Variants in CCDC170 observed in about 807,000 individuals in gnomAD.
CCDC170 encodes the protein coiled-coil domain containing 170.
A neutral mutation model predicts 72.6 loss-of-function variants in CCDC170; 69 were observed. The observed-to-expected ratio is 0.95, with a 90% CI of 0.78 to 1.16. The LOEUF (loss-of-function observed/expected upper bound fraction) is 1.16. Among genes scored for constraint, CCDC170 ranks in the 50% most tolerant of loss-of-function variants. CCDC170 has a pLI of 0.00. For missense variants in CCDC170, 852 were observed against 832.5 expected (o/e 1.02, Z -0.29); for synonymous variants, 300 against 303.9 (o/e 0.99, Z 0.13).
chr6:151,524,551 A>G, intron 1 of CCDC170, among the ~76,000 whole-genome samples: 1 of 152,364 alleles, frequency 6.6e-6, no homozygotes, highest in East Asian at 1.9e-4. Context: ...ACATGCTTCC[A>G]GTTGTCTTTT....
intron 1 of CCDC170, among the ~76,000 whole-genome samples, chr6:151,517,060 G>A (rs1782245688): frequency 6.6e-6 from 1 of 152,164 alleles, no homozygotes; most frequent in Non-Finnish European, 1.5e-5. Context: ...TTGGGGCCGG[G>A]CACAGTGGCT....
chr6:151,508,654 A>T (rs2059648873), intron 1 of CCDC170, among the ~76,000 whole-genome samples: 1 of 152,122 alleles, frequency 6.6e-6, no homozygotes, highest in Non-Finnish European at 1.5e-5. Context: ...TGGAGGTTGC[A>T]GTGAGCTGAG....
rs534934507 is a variant in CCDC170 at position 151,550,112 on chromosome 6, A to AT, written c.774+1629dup. 1.6e-3 allele frequency among the ~76,000 whole-genome samples: 243 copies of AT among 152,340 alleles called. 1 individual carries two copies. Among genetic ancestry groups the AT allele is most frequent in the African/African-American group, 5.6e-3 (231 of 41,582 alleles). ...ATTTGAGCTATTTAATACCATATGTATTTTTTAACATTGTATAATCCCTTA... is the reference window on the plus strand; with the variant it reads ...ATTTGAGCTATTTAATACCATATGTATTTTTTTAACATTGTATAATCCCTTA... On this transcript the variant is annotated intron_variant, in intron 5 of 10. Coordinates refer to ENST00000239374, the MANE Select transcript of CCDC170 (RefSeq NM_025059.4).
chr6:151,602,218 G>A lies in CCDC170; in HGVS notation c.1710+5641G>A, dbSNP rs149884155. 1.1e-4 allele frequency among the ~76,000 whole-genome samples: 16 copies of A among 152,186 alleles called. No individual in the cohort carries two copies. In the East Asian group the frequency reaches 2.9e-3, roughly 28 times the overall value. ...ATACTATTACATTTTAATTTGGCAG[G>A]CAAACATAAGTATAATAGAAATCCT... On this transcript the variant is annotated intron_variant, in intron 9 of 10. Transcript: ENST00000239374.
chr6:151,556,482 A>G (rs1782977811), intron 5 of CCDC170, among the ~76,000 whole-genome samples: 1 of 152,204 alleles, frequency 6.6e-6, no homozygotes, highest in Admixed American at 6.5e-5. Context: ...ACAAACAAAA[A>G]ACTAAAACTT....
intron 1 of CCDC170, among the ~76,000 whole-genome samples, chr6:151,498,980 C>T (rs1017519489): frequency 2.5e-3 from 304 of 120,952 alleles, no homozygotes; most frequent in African/African-American, 8.0e-3. Flanking sequence ...CTTCTAGGCA[C>T]ACTGTATAAG....
At position 151,596,517 on chromosome 6, in the gene CCDC170, C is replaced by T. The variant is rs1776627335; in HGVS notation, c.1650C>T (p.Asn550=). Residue 550 remains asparagine, a synonymous_variant, in exon 9 of 11, where the codon AAC becomes AAT. Coordinates refer to ENST00000239374, the MANE Select transcript of CCDC170 (RefSeq NM_025059.4). ...KKVERLQKEL[N]TCRDLHTELK... ...TGGAGAGGCTGCAGAAAGAGCTGAA[C>T]ACGTGTCGAGACTTGCACACCGAGC... The T allele has an allele frequency of 6.2e-7, 1 of 1,613,990 alleles. No individual in the cohort carries two copies. Among genetic ancestry groups the T allele is most frequent in the African/African-American group, 1.3e-5 (1 of 74,898 alleles).
At chr6:151,514,654 A>G (rs1782209992) in intron 1 of CCDC170, among the ~76,000 whole-genome samples, 1 of 152,148 alleles carries the variant, frequency 6.6e-6, no homozygotes, top group South Asian at 2.1e-4. Context: ...CTGATAGAGA[A>G]GAGACTCACA....
At chr6:151,575,381 C>G (rs1040791446) in intron 6 of CCDC170, among the ~76,000 whole-genome samples, 1 of 146,888 alleles carries the variant, frequency 6.8e-6, no homozygotes, top group Non-Finnish European at 1.5e-5. Flanking sequence ...TGCAGTGAGC[C>G]GAGATCGTGC....
Position 151,593,087 on chromosome 6 carries a change from G to A in CCDC170, c.1294-20G>A, listed in dbSNP as rs749323865. On this transcript the variant is annotated intron_variant, in intron 7 of 10. Transcript: ENST00000239374. ...ACTTTGACTTTCATGTCCCATTTTT[G>A]TTTCTGTTCTTGGGTTTAGTATCTT... 7.4e-6 allele frequency: 12 copies of A among 1,612,316 alleles called. No individual in the cohort carries two copies. In the East Asian group the frequency reaches 1.3e-4, roughly 18 times the overall value.
intron 1 of CCDC170, among the ~76,000 whole-genome samples, chr6:151,535,068 A>T (rs552362701): frequency 1.1e-3 from 161 of 152,326 alleles, no homozygotes; most frequent in Non-Finnish European, 2.1e-3. Flanking sequence ...TGGAAACAGG[A>T]CCAGAGGGTT....
At chr6:151,591,685 C>T (rs1336584363) in intron 7 of CCDC170, among the ~76,000 whole-genome samples, 3 of 151,898 alleles carry the variant, frequency 2.0e-5, no homozygotes, top group African/African-American at 4.8e-5. Context: ...TTAGTAGAGA[C>T]GGGGTTTCAC....
chr6:151,565,549 C>G (rs972273458), intron 5 of CCDC170, among the ~76,000 whole-genome samples: 7 of 152,176 alleles, frequency 4.6e-5, no homozygotes, highest in African/African-American at 1.7e-4. Context: ...CCTGTTGGTT[C>G]TCTGTTGAAT....
intron 9 of CCDC170, among the ~76,000 whole-genome samples, chr6:151,609,691 T>G (rs976520012): frequency 6.6e-6 from 1 of 152,150 alleles, no homozygotes; most frequent in African/African-American, 2.4e-5. Flanking sequence ...AGGAGTTCCC[T>G]TAGGAAGATT....
intron 1 of CCDC170, among the ~76,000 whole-genome samples, chr6:151,524,534 T>C (rs1033982158): frequency 3.3e-5 from 5 of 152,216 alleles, no homozygotes; most frequent in African/African-American, 1.2e-4. Context: ...TAAATTGGAC[T>C]TTTAAAACAT....
chr6:151,526,739 T>G (rs951837749), intron 1 of CCDC170, among the ~76,000 whole-genome samples: 7 of 152,034 alleles, frequency 4.6e-5, no homozygotes, highest in African/African-American at 1.7e-4. Flanking sequence ...TGCCTGATTT[T>G]TAGGTGAGGG....
intron 3 of CCDC170, among the ~76,000 whole-genome samples, chr6:151,541,865 A>AATATAT (rs1182684013): frequency 8.3e-6 from 1 of 120,170 alleles, no homozygotes; most frequent in Non-Finnish European, 1.7e-5. Flanking sequence ...TATAAATATA[A>AATATAT]ATATATATAT....
chr6:151,512,987 G>A (rs1161597804), intron 1 of CCDC170, among the ~76,000 whole-genome samples: 1 of 152,198 alleles, frequency 6.6e-6, no homozygotes, highest in African/African-American at 2.4e-5. Context: ...TCTATGCAAT[G>A]TGTATCAAAA....
intron 1 of CCDC170, 23 bp from the exon 2 acceptor site, chr6:151,536,295 G>T (rs575272602): frequency 3.1e-6 from 5 of 1,611,796 alleles, no homozygotes; most frequent in Non-Finnish European, 4.2e-6. Flanking sequence ...TTTATATTTT[G>T]TATTTTGGGG....
Sources: gnomAD v4.1 joint callset for allele counts (sites outside exome capture counted in the v4.1 genomes callset) on GRCh38, gnomAD v4.1.1 for gene constraint, MANE v1.5 for transcripts, NCBI Gene and HGNC (gene_info 2026-07-23, HGNC 2026-07-21) for gene names.